The following PDE11A variants were observed in gnomAD, a reference collection of about 807,000 sequenced individuals.
PDE11A encodes dual 3',5'-cyclic-AMP and -GMP phosphodiesterase 11A.
PDE11A carries 100 observed loss-of-function variants against 100.5 expected under a neutral mutation model. The ratio of observed to expected loss-of-function variants is 1.00; its 90% CI spans 0.85 to 1.18. The LOEUF (loss-of-function observed/expected upper bound fraction) is 1.18. PDE11A is among the 50% of genes most tolerant of loss of function. PDE11A has a pLI of 0.00. For synonymous variants in PDE11A, 381 were observed against 420.8 expected (o/e 0.91, Z 1.16); for missense variants, 1,141 against 1,152.6 (o/e 0.99, Z 0.15).
At chr2:178,018,601 T>C (rs1171835932) in intron 1 of PDE11A, 2 of 316,380 alleles carry the variant, frequency 6.3e-6, no homozygotes, top group Non-Finnish European at 1.2e-5. Flanking sequence ...ACAAAACTCT[T>C]TGGTGCAATC....
intron 2 of PDE11A, among the ~76,000 whole-genome samples, chr2:178,082,379 ATTTTTTAATAGTAAAACC>A (rs1186111158): frequency 6.6e-6 from 1 of 152,196 alleles, no homozygotes; most frequent in African/African-American, 2.4e-5. Flanking sequence ...TACGTATACC[ATTTTTTAATAGTAAAACC>A]TTTTTTAAAA....
At chr2:177,955,060 C>T (rs965225391) in intron 2 of PDE11A, among the ~76,000 whole-genome samples, 2 of 152,108 alleles carry the variant, frequency 1.3e-5, no homozygotes, top group African/African-American at 4.8e-5. Context: ...TCCAAAAATT[C>T]CTGGTCTCTG....
At chr2:178,084,596 C>G (rs577229071) in intron 2 of PDE11A, among the ~76,000 whole-genome samples, 1 of 152,002 alleles carries the variant, frequency 6.6e-6, no homozygotes, top group African/African-American at 2.4e-5. Context: ...ACTATACAAA[C>G]AAGAAAAAAG....
At chr2:177,766,177 A>G (rs972721381) in intron 10 of PDE11A, among the ~76,000 whole-genome samples, 3 of 152,144 alleles carry the variant, frequency 2.0e-5, no homozygotes, top group Non-Finnish European at 4.4e-5. Context: ...TGGTTTTGGA[A>G]TAAAATTGTT....
Position 177,795,417 on chromosome 2 carries a change from C to T in PDE11A, c.1737+21412G>A, listed in dbSNP as rs115009319. ...GATTGGCTCCTGTTTGCTTCCATTC[C>T]AAGAGCAGATGTTTTTGCTAGAAAG... On this transcript the variant is annotated intron_variant, in intron 9 of 19. Transcript: ENST00000286063. Among the ~76,000 whole-genome samples, 686 of 152,206 alleles carry T rather than the reference C, an allele frequency of 4.5e-3. 3 individuals carry two copies. Among genetic ancestry groups the T allele is most frequent in the Non-Finnish European group, 7.3e-3 (498 of 67,998 alleles).
intron 2 of PDE11A, among the ~76,000 whole-genome samples, chr2:177,984,581 T>G (rs1438426836): frequency 6.6e-6 from 1 of 152,218 alleles, no homozygotes; most frequent in African/African-American, 2.4e-5. Flanking sequence ...ATGTATCTGC[T>G]AATTTTTAAC....
At position 178,072,215 on chromosome 2, in the gene PDE11A, C is replaced by G; in HGVS notation, c.223G>C (p.Gly75Arg). ...TCRGGSSVGG[G>R]TGPNGSAHSQ... ...TGGGCAGAGCCATTTGGTCCAGTGC[C>G]ACCACCAACGCTGCTGCCACCTCTG... The change falls in exon 1 of 20, where the codon GGC (glycine) becomes CGC (arginine). Residue 75 changes from glycine (G) to arginine (R), a missense_variant. By Grantham distance (125) the Gly-to-Arg change is moderately radical (BLOSUM62 -2). Transcript: ENST00000286063. 6.2e-7 allele frequency: 1 copy of G among 1,613,748 alleles called. No individual in the cohort carries two copies. The highest frequency in any genetic ancestry group is 8.5e-7 in the Non-Finnish European group (1 of 1,179,790).
chr2:177,733,392 T>A (rs1318330317), intron 10 of PDE11A, among the ~76,000 whole-genome samples: 1 of 152,212 alleles, frequency 6.6e-6, no homozygotes, highest in Non-Finnish European at 1.5e-5. Flanking sequence ...GCACCTGATA[T>A]CCTTTGACCA....
chr2:177,697,488 C>T, intron 14 of PDE11A, 56 bp from the exon 15 acceptor site: 2 of 852,968 alleles, frequency 2.3e-6, no homozygotes, highest in Non-Finnish European at 4.1e-6. Context: ...TTGTTGATTA[C>T]ATGTTTTTCC....
intron 4 of PDE11A, among the ~76,000 whole-genome samples, chr2:177,893,166 C>A (rs79029399): frequency 2.0e-5 from 3 of 152,176 alleles, no homozygotes; most frequent in African/African-American, 7.2e-5. Flanking sequence ...TAGTCTAGGG[C>A]TTCATCTATT....
chr2:177,934,387 C>T (rs1397179000), intron 2 of PDE11A, among the ~76,000 whole-genome samples: 1 of 152,138 alleles, frequency 6.6e-6, no homozygotes, highest in Non-Finnish European at 1.5e-5. Context: ...TAAAAAAATG[C>T]TCCACATTAC....
At chr2:177,982,282 C>T (rs746373889) in intron 2 of PDE11A, among the ~76,000 whole-genome samples, 5 of 150,598 alleles carry the variant, frequency 3.3e-5, no homozygotes, top group Middle Eastern at 3.4e-3. Context: ...ATTGTAACTC[C>T]ACTCTCATCA....
chr2:177,758,605 G>A (rs1051172770), intron 10 of PDE11A, among the ~76,000 whole-genome samples: 1 of 152,172 alleles, frequency 6.6e-6, no homozygotes, highest in African/African-American at 2.4e-5. Flanking sequence ...CAGACAGCGA[G>A]GCTCAAATCT....
At chr2:178,065,487 G>A (rs990316867) in intron 1 of PDE11A, among the ~76,000 whole-genome samples, 1 of 152,146 alleles carries the variant, frequency 6.6e-6, no homozygotes, top group African/African-American at 2.4e-5. Context: ...GTGCCTTTCT[G>A]TAATCTATCC....
At chr2:177,898,260 T>A in intron 3 of PDE11A, 62 bp from the exon 4 acceptor site, 3 of 1,117,712 alleles carry the variant, frequency 2.7e-6, no homozygotes, top group Non-Finnish European at 4.0e-6. Flanking sequence ...TTGCTTTTCT[T>A]CTTAAAATTT....
chr2:178,030,180 C>T (rs1199861026), intron 1 of PDE11A, among the ~76,000 whole-genome samples: 1 of 151,844 alleles, frequency 6.6e-6, no homozygotes, highest in East Asian at 1.9e-4. Flanking sequence ...AGAGAGAGGC[C>T]TTATATTTTA....
chr2:178,035,306 C>A (rs145705130), intron 1 of PDE11A, among the ~76,000 whole-genome samples: 6 of 152,186 alleles, frequency 3.9e-5, no homozygotes, highest in African/African-American at 1.2e-4. Context: ...GACACATACA[C>A]CCTCTCAAGA....
At chr2:177,758,169 C>T (rs995021235) in intron 10 of PDE11A, among the ~76,000 whole-genome samples, 12 of 150,788 alleles carry the variant, frequency 8.0e-5, no homozygotes, top group African/African-American at 1.7e-4. Flanking sequence ...TGGTGGCAGG[C>T]GCCTGTAGTC....
intron 2 of PDE11A, among the ~76,000 whole-genome samples, chr2:177,946,542 C>G (rs1574299689): frequency 4.0e-5 from 3 of 75,194 alleles, no homozygotes; most frequent in African/African-American, 1.1e-4. Context: ...CCAGCCGCCC[C>G]GTCCGGGAGG....
Sources: gnomAD v4.1 joint callset for allele counts (sites outside exome capture counted in the v4.1 genomes callset) on GRCh38, gnomAD v4.1.1 for gene constraint, MANE v1.5 for transcripts, NCBI Gene and HGNC (gene_info 2026-07-23, HGNC 2026-07-21) for gene names.